CARS1: variants seen among roughly 807,000 people sequenced by gnomAD.
The protein encoded by CARS1 is cysteinyl-tRNA synthetase 1.
Under a neutral mutation model 106.2 loss-of-function variants are expected in CARS1, and 48 were observed. That is an observed-to-expected ratio of 0.45 (90% CI 0.36 to 0.57). The LOEUF is 0.57. Ranked by LOEUF, CARS1 falls within the 20% of genes least tolerant of loss-of-function variation. CARS1 has a pLI of 0.00. For missense variants in CARS1, 968 were observed against 1,057.2 expected, an observed-to-expected ratio of 0.92 and a Z score of 1.17; for synonymous variants, 409 against 403.4, an observed-to-expected ratio of 1.01 and a Z score of -0.17.
rs1312846526 is a variant in CARS1 at position 3,003,613 on chromosome 11, TG to T, written c.2218-1014del. Among the ~76,000 whole-genome samples, 1 of 151,856 alleles carries T rather than the reference TG, an allele frequency of 6.6e-6. No homozygotes were observed. Among genetic ancestry groups the T allele is most frequent in the Non-Finnish European group, 1.5e-5 (1 of 67,956 alleles). ...GCACAAAGGTCTCAGAGACTCAGGA[TG>T]GGGCTGGGGCCAACAGGATCGAGCT... On this transcript the variant is annotated intron_variant, in intron 20 of 22. Coordinates refer to ENST00000380525, the MANE Select transcript of CARS1 (RefSeq NM_001014437.3). The surrounding 1 kb of genome is among the most constrained non-coding windows in gnomAD (Gnocchi z 4.8).
rs1249915824 is a variant in CARS1, at chr11:3,053,660, G to C, written c.25+3683C>G. On this transcript the variant is annotated intron_variant, in intron 1 of 22. Transcript: ENST00000380525. This position sits in a 1 kb window ranked among gnomAD's most constrained non-coding sequence, Gnocchi z 6.6. ...AGCAGAACCTGGGGGATCCAGAGAA[G>C]TCACATTCTTGGGCTCACCAGAGAC... is the stretch of plus-strand genomic sequence containing the variant. Among the ~76,000 whole-genome samples the C allele has an allele frequency of 6.6e-6, 1 of 152,184 alleles. No individual in the cohort carries two copies. Among genetic ancestry groups the C allele is most frequent in the African/African-American group, 2.4e-5 (1 of 41,452 alleles).
chr11:3,034,931 T>C lies in CARS1; in HGVS notation c.801+3119A>G, dbSNP rs1238195542. Among the ~76,000 whole-genome samples the C allele has an allele frequency of 6.6e-6, 1 of 152,198 alleles. No homozygotes were observed. The highest frequency in any genetic ancestry group is 1.5e-5 in the Non-Finnish European group (1 of 68,026). On this transcript the variant is annotated intron_variant, in intron 7 of 22. Coordinates refer to ENST00000380525, the MANE Select transcript of CARS1 (RefSeq NM_001014437.3). This position sits in a 1 kb window ranked among gnomAD's most constrained non-coding sequence, Gnocchi z 6.3. ...CCACATCTGTTCTGGGCCTTCTTGCTGGTGGGGACTTTTCCCAGAGTCCCA... is the reference window on the plus strand; with the variant it reads ...CCACATCTGTTCTGGGCCTTCTTGCCGGTGGGGACTTTTCCCAGAGTCCCA...
Position 3,028,274 on chromosome 11 carries a change from A to C in CARS1, c.1031+722T>G, listed in dbSNP as rs900780470. 2.6e-5 allele frequency: 13 copies of C among 496,274 alleles called. No individual in the cohort carries two copies. Among genetic ancestry groups the C allele is most frequent in the Non-Finnish European group, 4.1e-5 (11 of 266,624 alleles). 30.7% of individuals were successfully genotyped at this position (496,274 alleles called of 1,614,324 possible). ...CTACCCCTTTGTCTTGTATCCAATA[A>C]ATATCAGTGCAGCCTGGCATTCGGG... On this transcript the variant is annotated intron_variant, in intron 9 of 22. Transcript: ENST00000380525. The surrounding 1 kb of genome is among the most constrained non-coding windows in gnomAD (Gnocchi z 4.4).
In CARS1 at chr11:3,040,843, T is replaced by C; in HGVS notation, c.455+53A>G. ...TCGCTGCTGTGGATCCCAATGGCTC[T>C]GACTTCTGCGTGCAACTGCAGAAGC... is the stretch of plus-strand genomic sequence containing the variant. On this transcript the variant is annotated intron_variant, in intron 4 of 22. Transcript: ENST00000380525. The surrounding 1 kb of genome is among the most constrained non-coding windows in gnomAD (Gnocchi z 5.8). 6.3e-7 allele frequency: 1 copy of C among 1,593,686 alleles called. No homozygotes were observed. Among genetic ancestry groups the C allele is most frequent in the Non-Finnish European group, 8.6e-7 (1 of 1,167,650 alleles).
chr11:3,024,113 G>A (rs1192796803), intron 10 of CARS1, among the ~76,000 whole-genome samples: 6 of 152,042 alleles, frequency 3.9e-5, no homozygotes, highest in South Asian at 2.1e-4. Context: ...GGCTGGTCTC[G>A]AACTCCTGAC....
chr11:3,022,668 A>G lies in CARS1; in HGVS notation c.1154-2336T>C, dbSNP rs1217543614. On this transcript the variant is annotated intron_variant, in intron 10 of 22. Coordinates refer to ENST00000380525, the MANE Select transcript of CARS1 (RefSeq NM_001014437.3). This position sits in a 1 kb window ranked among gnomAD's most constrained non-coding sequence, Gnocchi z 4.9. ...GCTTTGACCCTACAAGCATGTTCAT[A>G]CCAGCACAACAGGGTCCTGTTCTCT... Among the ~76,000 whole-genome samples, 1 of 152,194 alleles carries G rather than the reference A, an allele frequency of 6.6e-6. No individual in the cohort carries two copies. The highest frequency in any genetic ancestry group is 1.5e-5 in the Non-Finnish European group (1 of 68,034).
At chr11:3,013,791 T>C (rs1055358920) in intron 17 of CARS1, among the ~76,000 whole-genome samples, 5 of 151,838 alleles carry the variant, frequency 3.3e-5, no homozygotes, top group Admixed American at 3.3e-4. Context: ...AGGCAGAGGG[T>C]GCAGTGACCG....
At chr11:3,009,732 G>C (rs777691833) in intron 18 of CARS1, among the ~76,000 whole-genome samples, 58 of 152,282 alleles carry the variant, frequency 3.8e-4, no homozygotes, top group Non-Finnish European at 1.2e-4. Flanking sequence ...GGACCATGGG[G>C]GTATTTCCAG....
At position 3,001,977 on chromosome 11, in the gene CARS1, T is replaced by A; in HGVS notation, c.2354A>T (p.Asp785Val). 1 of 1,611,258 alleles carries A rather than the reference T, an allele frequency of 6.2e-7. No homozygotes were observed. The highest frequency in any genetic ancestry group is 8.5e-7 in the Non-Finnish European group (1 of 1,177,392). The change falls in exon 22 of 23, where the codon GAT becomes GTT. Residue 785 changes from aspartate to valine, a missense_variant. Asp to Val is a radical substitution (Grantham distance 152, BLOSUM62 -3). Coordinates refer to ENST00000380525, the MANE Select transcript of CARS1 (RefSeq NM_001014437.3). ...LSETDKYSKF[D>V]ENGLPTHDME... ...GGATGCTTACATGCTTACATTTTCA[T>A]CAAACTTGGAGTATTTGTCGGTTTC... is the stretch of plus-strand genomic sequence containing the variant.
chr11:3,033,699 A>C (rs1853198800), intron 7 of CARS1, among the ~76,000 whole-genome samples: 1 of 152,222 alleles, frequency 6.6e-6, no homozygotes, highest in Non-Finnish European at 1.5e-5. Context: ...GAAGGAATAA[A>C]GAATGGACAA....
intron 2 of CARS1, among the ~76,000 whole-genome samples, chr11:3,042,484 G>C (rs1421796438): frequency 6.6e-6 from 1 of 152,050 alleles, no homozygotes; most frequent in Non-Finnish European, 1.5e-5. Flanking sequence ...GAGTGCAGTG[G>C]TGTGATCTCG....
chr11:3,025,253 A>C (rs539253738), intron 10 of CARS1, among the ~76,000 whole-genome samples: 2 of 152,262 alleles, frequency 1.3e-5, no homozygotes, highest in South Asian at 2.1e-4. Flanking sequence ...TTTGAGACAG[A>C]GTCTCATTCT....
At chr11:3,010,505 C>G (rs1850346930) in intron 18 of CARS1, among the ~76,000 whole-genome samples, 1 of 152,240 alleles carries the variant, frequency 6.6e-6, no homozygotes, top group Non-Finnish European at 1.5e-5. Flanking sequence ...ATGCTGAGGG[C>G]ATCAGGTGTT....
intron 9 of CARS1, 134 bp from the exon 10 acceptor site, chr11:3,026,931 C>T: frequency 2.0e-6 from 2 of 981,218 alleles, no homozygotes. Flanking sequence ...GTGGTGGCCA[C>T]TGAAAACCGT....
intron 10 of CARS1, among the ~76,000 whole-genome samples, chr11:3,023,400 A>G (rs1306498373): frequency 6.6e-6 from 1 of 152,210 alleles, no homozygotes; most frequent in East Asian, 1.9e-4. Context: ...ACATACATAC[A>G]TACATTCAAA....
rs1196330701 is a variant in CARS1 at position 3,008,423 on chromosome 11, A to C, written c.2069-1464T>G. ...ATCACAAGGTCAGGAGATCGAGACC[A>C]TCCTGGCCAACATGGTGAAACCCCA... On this transcript the variant is annotated intron_variant, in intron 18 of 22. Transcript: ENST00000380525. This position sits in a 1 kb window ranked among gnomAD's most constrained non-coding sequence, Gnocchi z 5.1. 3.3e-5 allele frequency: 5 copies of C among 152,134 alleles called. No individual in the cohort carries two copies. The highest frequency in any genetic ancestry group is 1.2e-4 in the African/African-American group (5 of 41,396). The allele number at this position is 152,134 out of a possible 1,614,324, so 9.4% of individuals were successfully genotyped here.
At position 3,046,299 on chromosome 11, in the gene CARS1, C is replaced by T. The variant is rs183609724; in HGVS notation, c.274+1454G>A. ...CTGGACAGGCCACTGCTGAGCTGGACGTACCAGGCCCGCTTCACCCTCCCT... is the reference window on the plus strand; with the variant it reads ...CTGGACAGGCCACTGCTGAGCTGGATGTACCAGGCCCGCTTCACCCTCCCT... On this transcript the variant is annotated intron_variant, in intron 2 of 22. Transcript: ENST00000380525. This position sits in a 1 kb window ranked among gnomAD's most constrained non-coding sequence, Gnocchi z 5.8. Among the ~76,000 whole-genome samples the T allele has an allele frequency of 1.4e-3, 220 of 152,288 alleles. No homozygotes were observed. The highest frequency in any genetic ancestry group is 4.9e-3 in the African/African-American group (202 of 41,544).
rs1854364285 is a variant in CARS1, at chr11:3,040,888, G to A, written c.455+8C>T. The A allele has an allele frequency of 6.2e-7, 1 of 1,613,142 alleles. No individual in the cohort carries two copies. Among genetic ancestry groups the A allele is most frequent in the South Asian group, 1.1e-5 (1 of 90,934 alleles). On this transcript the variant is annotated splice_region_variant and intron_variant, in intron 4 of 22. Transcript: ENST00000380525. This position sits in a 1 kb window ranked among gnomAD's most constrained non-coding sequence, Gnocchi z 5.8. ...AGAAGCTGCAGGGACACCCCGCGGTGGACCTACCTGGCGTGCCCCATGTGA... is the reference window on the plus strand; with the variant it reads ...AGAAGCTGCAGGGACACCCCGCGGTAGACCTACCTGGCGTGCCCCATGTGA...
intron 10 of CARS1, among the ~76,000 whole-genome samples, chr11:3,024,318 C>T (rs1851844302): frequency 6.6e-6 from 1 of 152,212 alleles, no homozygotes; most frequent in Non-Finnish European, 1.5e-5. Flanking sequence ...TGCTTAAACA[C>T]CCCTGATTTC....
Sources: allele counts gnomAD v4.1 joint callset (sites outside exome capture counted in the v4.1 genomes callset), GRCh38; gene constraint gnomAD v4.1.1; non-coding constraint Gnocchi (gnomAD v3.1); transcripts MANE v1.5; gene names NCBI Gene and HGNC (gene_info 2026-07-23, HGNC 2026-07-21).